ATP8B4: variants seen among roughly 807,000 people sequenced by gnomAD.
ATP8B4 encodes the protein probable phospholipid-transporting ATPase IM.
Under a neutral mutation model 145.6 loss-of-function variants are expected in ATP8B4, and 133 were observed. The observed-to-expected ratio is 0.91, with a 90% CI of 0.79 to 1.05. ATP8B4 has a LOEUF of 1.05. Ranked by LOEUF, ATP8B4 falls within the 50% of genes least tolerant of loss-of-function variation. ATP8B4 has a pLI of 0.00. For missense variants in ATP8B4, 1,458 were observed against 1,425.2 expected (o/e 1.02, Z -0.37); for synonymous variants, 507 against 492.9 (o/e 1.03, Z -0.38).
chr15:49,886,026 A>G (rs2036143691), intron 23 of ATP8B4: 1 of 152,138 alleles, frequency 6.6e-6, no homozygotes, highest in Non-Finnish European at 1.5e-5. Flanking sequence ...TGGACCACTC[A>G]TCGGTAGTTC....
intron 23 of ATP8B4, among the ~76,000 whole-genome samples, chr15:49,884,607 A>T (rs2035931836): frequency 8.0e-6 from 1 of 124,626 alleles, no homozygotes; most frequent in Admixed American, 8.4e-5. Context: ...TGTCTCCAAA[A>T]AAAAAGAAAA....
intron 6 of ATP8B4, among the ~76,000 whole-genome samples, chr15:50,036,326 A>G: frequency 6.6e-6 from 1 of 152,224 alleles, no homozygotes; most frequent in Non-Finnish European, 1.5e-5. Flanking sequence ...GTGTTTGTCC[A>G]ACCTGAGGCA....
chr15:50,155,645 A>G (rs2044401015), intron 1 of ATP8B4, among the ~76,000 whole-genome samples: 2 of 152,174 alleles, frequency 1.3e-5, no homozygotes, highest in South Asian at 2.1e-4. Flanking sequence ...GGGGTTCTAC[A>G]TAACTATGTC....
At chr15:49,997,983 A>G (rs533923944) in intron 8 of ATP8B4, among the ~76,000 whole-genome samples, 2 of 152,154 alleles carry the variant, frequency 1.3e-5, no homozygotes, top group Non-Finnish European at 2.9e-5. Context: ...GAAAAGTGGT[A>G]TAGAGGCTAA....
chr15:50,086,754 A>T (rs868535379), intron 2 of ATP8B4, among the ~76,000 whole-genome samples: 7 of 41,204 alleles, frequency 1.7e-4, no homozygotes, highest in Admixed American at 2.9e-4. Context: ...TTATATATAA[A>T]ATAATAGAGA....
chr15:50,071,292 G>T (rs1468091910), intron 3 of ATP8B4, among the ~76,000 whole-genome samples: 1 of 152,068 alleles, frequency 6.6e-6, no homozygotes, highest in Non-Finnish European at 1.5e-5. Context: ...CAATATGGGT[G>T]GTAGGCAAAT....
chr15:49,968,080 A>G (rs2044717852), intron 13 of ATP8B4, among the ~76,000 whole-genome samples: 1 of 152,152 alleles, frequency 6.6e-6, no homozygotes, highest in Non-Finnish European at 1.5e-5. Flanking sequence ...ATGTTGAGAG[A>G]TTTTTGTCAC....
chr15:50,036,858 G>C (rs1205472923), intron 6 of ATP8B4, among the ~76,000 whole-genome samples: 1 of 152,172 alleles, frequency 6.6e-6, no homozygotes, highest in East Asian at 1.9e-4. Context: ...CTCAATGATA[G>C]ATGATTCTCC....
At chr15:49,991,195 T>C (rs1179446959) in intron 9 of ATP8B4, among the ~76,000 whole-genome samples, 1 of 152,164 alleles carries the variant, frequency 6.6e-6, no homozygotes, top group Non-Finnish European at 1.5e-5. Flanking sequence ...CTATTTTTTT[T>C]AACCAAAAAG....
At chr15:49,953,862 A>G (rs1567068249) in intron 14 of ATP8B4, among the ~76,000 whole-genome samples, 2 of 152,164 alleles carry the variant, frequency 1.3e-5, no homozygotes, top group Non-Finnish European at 2.9e-5. Context: ...GTTCTGTGGA[A>G]AAAGCACAGT....
intron 23 of ATP8B4, chr15:49,895,293 A>G (rs1452407086): frequency 6.6e-6 from 1 of 152,234 alleles, no homozygotes; most frequent in Non-Finnish European, 1.5e-5. Flanking sequence ...TAGGTTTTCT[A>G]GCCCAGTGGT....
chr15:49,934,908 C>T (rs2041606175), intron 14 of ATP8B4, among the ~76,000 whole-genome samples: 1 of 152,016 alleles, frequency 6.6e-6, no homozygotes, highest in Non-Finnish European at 1.5e-5. Flanking sequence ...AGTTTTTATT[C>T]TTAAAGACTC....
At chr15:50,133,845 A>G (rs1251914709) in intron 1 of ATP8B4, among the ~76,000 whole-genome samples, 1 of 152,118 alleles carries the variant, frequency 6.6e-6, no homozygotes, top group Non-Finnish European at 1.5e-5. Flanking sequence ...CCACACACAC[A>G]AAATAATGAG....
chr15:50,131,206 A>C (rs1299415329), intron 1 of ATP8B4, among the ~76,000 whole-genome samples: 3 of 152,206 alleles, frequency 2.0e-5, no homozygotes, highest in African/African-American at 7.2e-5. Flanking sequence ...TGAAGATTAC[A>C]ATTAAAAATG....
At chr15:50,127,678 T>C (rs1268033380) in intron 1 of ATP8B4, among the ~76,000 whole-genome samples, 1 of 152,128 alleles carries the variant, frequency 6.6e-6, no homozygotes, top group East Asian at 1.9e-4. Flanking sequence ...TAATACCGAT[T>C]GCAAAGAAAT....
intron 3 of ATP8B4, 96 bp downstream of exon 3, chr15:50,074,031 T>C (rs779849587): frequency 9.4e-7 from 1 of 1,062,578 alleles, no homozygotes; most frequent in Non-Finnish European, 1.4e-6. Context: ...ATGAAGAAAG[T>C]TTTTGGTGAA....
Position 49,931,095 on chromosome 15 carries a change from A to G in ATP8B4, c.1642+24T>C, listed in dbSNP as rs150424434. The G allele has an allele frequency of 1.2e-3, 1,940 of 1,586,400 alleles. 4 individuals carry two copies. The Middle Eastern group carries it at 0.012, about 10-fold the overall frequency. ...ACCACAACAGTATGAAAAGATCAAA[A>G]ATAGTCTTAGCTACCAACCATACCT... On this transcript the variant is annotated intron_variant, in intron 16 of 27. Transcript: ENST00000284509.
intron 1 of ATP8B4, among the ~76,000 whole-genome samples, chr15:50,114,110 T>TTTTTTTTC (rs2057084870): frequency 7.2e-6 from 1 of 138,480 alleles, no homozygotes; most frequent in Non-Finnish European, 1.6e-5. Flanking sequence ...TTTCTTTTTT[T>TTTTTTTTC]TTTTTTTTTT....
At chr15:50,098,266 ATTTTTTTTTTTTTTTTTTTTTTTT>A (rs71124319) in intron 2 of ATP8B4, among the ~76,000 whole-genome samples, 2,173 of 41,780 alleles carry the variant, frequency 0.052, 105 homozygotes, top group African/African-American at 0.17. Context: ...TTGTCAGGTG[ATTTTTTTTTTTTTTTTTTTTTTTT>A]TTTTTTTTTT....
Sources: allele counts gnomAD v4.1 joint callset (sites outside exome capture counted in the v4.1 genomes callset), GRCh38; gene constraint gnomAD v4.1.1; transcripts MANE v1.5; gene names NCBI Gene and HGNC (gene_info 2026-07-23, HGNC 2026-07-21).